AHR: variants seen among roughly 807,000 people sequenced by gnomAD.
The protein encoded by AHR is aryl hydrocarbon receptor, also known as AH-receptor.
AHR carries 40 observed loss-of-function variants against 86.8 expected under a neutral mutation model. The ratio of observed to expected loss-of-function variants is 0.46; its 90% confidence interval spans 0.36 to 0.60. The LOEUF is 0.60. Among genes scored for constraint, AHR ranks in the 20% least tolerant of loss-of-function variants. The pLI, the probability that AHR is intolerant of heterozygous loss-of-function variation, is 0.00. For synonymous variants in AHR, 398 were observed against 354.9 expected, an observed-to-expected ratio of 1.12 and a Z score of -1.37; for missense variants, 1,001 against 1,011.6, an observed-to-expected ratio of 0.99 and a Z score of 0.14.
At chr7:17,323,852 T>A (rs1562478542) in intron 3 of AHR, among the ~76,000 whole-genome samples, 1 of 152,184 alleles carries the variant, frequency 6.6e-6, no homozygotes, top group Non-Finnish European at 1.5e-5. Flanking sequence ...TAAAGACTCC[T>A]TATTCAGGTC....
At chr7:17,335,488 T>TC (rs1186353101) in intron 8 of AHR, among the ~76,000 whole-genome samples, 157 bp from the exon 9 acceptor site, 2 of 152,080 alleles carry the variant, frequency 1.3e-5, no homozygotes, top group East Asian at 3.9e-4. Context: ...TCTGAAAAAC[T>TC]ATTTCCATGC....
At chr7:17,313,216 AT>A (rs1350254914) in intron 2 of AHR, among the ~76,000 whole-genome samples, 1 of 152,166 alleles carries the variant, frequency 6.6e-6, no homozygotes, top group Non-Finnish European at 1.5e-5. Flanking sequence ...AGAGAATGAA[AT>A]TATAAGGGTG....
chr7:17,335,342 G>A (rs1044343096), intron 8 of AHR, among the ~76,000 whole-genome samples: 1 of 151,968 alleles, frequency 6.6e-6, no homozygotes, highest in Non-Finnish European at 1.5e-5. Flanking sequence ...GTATTAGGCT[G>A]TAGGAAAATA....
intron 3 of AHR, among the ~76,000 whole-genome samples, chr7:17,326,879 A>T (rs551688334): frequency 7.9e-5 from 12 of 152,292 alleles, no homozygotes; most frequent in African/African-American, 2.9e-4. Flanking sequence ...ATCAAGTACC[A>T]AATTGAACTC....
chr7:17,341,236 G>A (rs533190806), intron 10 of AHR, among the ~76,000 whole-genome samples: 9 of 152,038 alleles, frequency 5.9e-5, no homozygotes, highest in African/African-American at 2.2e-4. Flanking sequence ...CATTTTGCTT[G>A]TCTAATCGTA....
chr7:17,339,295 G>C lies in AHR; in HGVS notation c.1470G>C (p.Met490Ile), dbSNP rs138562518. The C allele has an allele frequency of 1.0e-4, 165 of 1,614,024 alleles. No homozygotes were observed. The highest frequency in any genetic ancestry group is 5.6e-4 in the South Asian group (51 of 91,064). ...PFENNFFNESMNECRNWQDNT... is the reference protein window; with the variant it reads ...PFENNFFNESINECRNWQDNT... ...AAAACAACTTTTTCAACGAATCTAT[G>C]AATGAATGCAGAAATTGGCAAGATA... Residue 490 changes from methionine (M) to isoleucine (I), a missense_variant, in exon 10 of 11, where the codon ATG becomes ATC. Met to Ile is a conservative substitution (Grantham distance 10). Coordinates refer to ENST00000242057, the MANE Select transcript of AHR (RefSeq NM_001621.5).
At chr7:17,322,128 G>C (rs1187659774) in intron 2 of AHR, among the ~76,000 whole-genome samples, 1 of 151,928 alleles carries the variant, frequency 6.6e-6, no homozygotes, top group African/African-American at 2.4e-5. Flanking sequence ...ACATTATGGA[G>C]AACTTTAGTC....
intron 1 of AHR, among the ~76,000 whole-genome samples, chr7:17,304,261 C>G (rs901594248): frequency 6.6e-6 from 1 of 152,090 alleles, no homozygotes; most frequent in African/African-American, 2.4e-5. Context: ...CTCACTTTAA[C>G]CTTTTTCACC....
chr7:17,313,870 T>A, intron 2 of AHR, among the ~76,000 whole-genome samples: 1 of 152,140 alleles, frequency 6.6e-6, no homozygotes, highest in East Asian at 1.9e-4. Context: ...TGAAACTGGT[T>A]GATGTGAAGA....
At position 17,299,244 on chromosome 7, in the gene AHR, C is replaced by T. The variant is rs772136473; in HGVS notation, c.-21C>T. 35 of 1,608,698 alleles carry T rather than the reference C, an allele frequency of 2.2e-5. No homozygotes were observed. The highest frequency in any genetic ancestry group is 3.0e-5 in the Non-Finnish European group (35 of 1,178,612). ...CGGCCGCCAGTGCCCGGGGAGTAGC[C>T]GCCGCCGTCGGCTGGGCACCATGAA... On this transcript the variant is annotated 5_prime_UTR_variant, in exon 1 of 11. Coordinates refer to ENST00000242057, the MANE Select transcript of AHR (RefSeq NM_001621.5).
chr7:17,346,066 G>T lies in AHR; in HGVS notation c.*3002G>T. On this transcript the variant is annotated 3_prime_UTR_variant, in exon 11 of 11. Coordinates refer to ENST00000242057, the MANE Select transcript of AHR (RefSeq NM_001621.5). Reference sequence around the variant, plus strand: ...TTACTGCTTACATATATCATGCATAGATTTTTGCTTAAAGTATGATTTATA... The same window carrying T: ...TTACTGCTTACATATATCATGCATATATTTTTGCTTAAAGTATGATTTATA... 6.6e-6 allele frequency: 1 copy of T among 152,562 alleles called. No homozygotes were observed. Among genetic ancestry groups the T allele is most frequent in the Non-Finnish European group, 1.5e-5 (1 of 67,978 alleles). 9.5% of individuals were successfully genotyped at this position (152,562 alleles called of 1,614,324 possible). A position where few individuals can be genotyped will look rare whatever the true frequency, so the allele number is the denominator to read the frequency against.
intron 2 of AHR, among the ~76,000 whole-genome samples, chr7:17,315,043 C>T (rs1477773583): frequency 6.6e-6 from 1 of 151,938 alleles, no homozygotes; most frequent in African/African-American, 2.4e-5. Flanking sequence ...AAACATGAAA[C>T]TCTAATTACA....
chr7:17,309,710 A>G lies in AHR; in HGVS notation c.66-226A>G, dbSNP rs533900117. Among the ~76,000 whole-genome samples, 5 of 152,346 alleles carry G rather than the reference A, an allele frequency of 3.3e-5. No homozygotes were observed. In the South Asian group the frequency reaches 8.3e-4, roughly 25 times the overall value. On this transcript the variant is annotated intron_variant, in intron 1 of 10. Coordinates refer to ENST00000242057, the MANE Select transcript of AHR (RefSeq NM_001621.5). ...TTGAAGTATAAGCAAACATTTTCCTATGATGAGTTCATAAGCTTTTTAATG... is the reference window on the plus strand; with the variant it reads ...TTGAAGTATAAGCAAACATTTTCCTGTGATGAGTTCATAAGCTTTTTAATG...
intron 6 of AHR, among the ~76,000 whole-genome samples, chr7:17,333,535 C>G (rs1782322130): frequency 6.6e-6 from 1 of 151,814 alleles, no homozygotes; most frequent in African/African-American, 2.4e-5. Context: ...TTCATGTATG[C>G]TTGAAAATGA....
At chr7:17,329,373 TA>T (rs913649993) in intron 4 of AHR, among the ~76,000 whole-genome samples, 3 of 150,404 alleles carry the variant, frequency 2.0e-5, no homozygotes, top group Non-Finnish European at 4.5e-5. Context: ...AACTTGCAGT[TA>T]AAAAAAAAGG....
In AHR at chr7:17,343,506, T is replaced by G. The variant is rs1042653495; in HGVS notation, c.*442T>G. ...TAGAGAACTAAACTAGTTTTTCCTA[T>G]CATGTTAACCTCTGCTTTTATCTCA... On this transcript the variant is annotated 3_prime_UTR_variant, in exon 11 of 11. Coordinates refer to ENST00000242057, the MANE Select transcript of AHR (RefSeq NM_001621.5). 1 of 166,804 alleles carries G rather than the reference T, an allele frequency of 6.0e-6. No individual in the cohort carries two copies. The highest frequency in any genetic ancestry group is 2.4e-5 in the African/African-American group (1 of 41,562). 10.3% of individuals were successfully genotyped at this position (166,804 alleles called of 1,614,324 possible).
intron 2 of AHR, among the ~76,000 whole-genome samples, chr7:17,318,250 G>A (rs1267787708): frequency 6.6e-6 from 1 of 151,970 alleles, no homozygotes; most frequent in Non-Finnish European, 1.5e-5. Context: ...CAAAGCATGT[G>A]ATATGAAGAG....
chr7:17,316,589 G>A (rs1782117231), intron 2 of AHR, among the ~76,000 whole-genome samples: 1 of 152,104 alleles, frequency 6.6e-6, no homozygotes, highest in Admixed American at 6.6e-5. Context: ...TGAACTTCAG[G>A]AGTGAGACTG....
At chr7:17,307,796 C>G (rs1212934415) in intron 1 of AHR, among the ~76,000 whole-genome samples, 1 of 152,142 alleles carries the variant, frequency 6.6e-6, no homozygotes, top group Non-Finnish European at 1.5e-5. Context: ...CTTGGTGAAA[C>G]ACAGGCTGAT....
Sources: allele counts gnomAD v4.1 joint callset (sites outside exome capture counted in the v4.1 genomes callset), GRCh38; gene constraint gnomAD v4.1.1; transcripts MANE v1.5; gene names NCBI Gene and HGNC (gene_info 2026-07-23, HGNC 2026-07-21).